The following PPP2R2C variants were observed in gnomAD, a reference collection of about 807,000 sequenced individuals.
The protein encoded by PPP2R2C is protein phosphatase 2, regulatory subunit B, gamma.
Under a neutral mutation model 45.3 loss-of-function variants are expected in PPP2R2C, and 10 were observed. The observed-to-expected ratio is 0.22, with a 90% CI of 0.14 to 0.37. The LOEUF is 0.37. PPP2R2C is among the 10% of genes least tolerant of loss of function. PPP2R2C has a pLI of 1.00. For synonymous variants in PPP2R2C, 257 were observed against 245.4 expected, an observed-to-expected ratio of 1.05 and a Z score of -0.44; for missense variants, 308 against 619.7, an observed-to-expected ratio of 0.50 and a Z score of 5.34.
chr4:6,381,923 C>T, intron 1 of PPP2R2C: 2 of 1,569,974 alleles, frequency 1.3e-6, no homozygotes, highest in Non-Finnish European at 1.7e-6. Context: ...TTCTACGAGT[C>T]ACAGAGATGA....
rs1731820433 is a variant in PPP2R2C at position 6,324,793 on chromosome 4, G to A, written c.1053-1200C>T. Among the ~76,000 whole-genome samples, 2 of 152,216 alleles carry A rather than the reference G, an allele frequency of 1.3e-5. No individual in the cohort carries two copies. Among genetic ancestry groups the A allele is most frequent in the Admixed American group, 1.3e-4 (2 of 15,286 alleles). On this transcript the variant is annotated intron_variant, in intron 8 of 8. Coordinates refer to ENST00000382599, the MANE Select transcript of PPP2R2C (RefSeq NM_020416.4). This position sits in a 1 kb window ranked among gnomAD's most constrained non-coding sequence, Gnocchi z 4.1. ...GGTAAGTTCATCCACATAGTAAGAG[G>A]CAGGAGAGAAAGCACAGTTCTGTGG...
chr4:6,474,613 A>G (rs2108773799), upstream of PPP2R2C, among the ~76,000 whole-genome samples: 1 of 152,226 alleles, frequency 6.6e-6, no homozygotes, highest in Middle Eastern at 3.4e-3. Flanking sequence ...CTGACACAGT[A>G]CATCATCCCT....
rs775253432 is a variant in PPP2R2C, at chr4:6,330,655, T to C, written c.961-1302A>G. ...CAGATTTAGAACATGCCACGTGAGC[T>C]AATTCCTTCAAATCTCCCTTCTTTC... is the stretch of plus-strand genomic sequence containing the variant. On this transcript the variant is annotated intron_variant, in intron 7 of 8. Transcript: ENST00000382599. The surrounding 1 kb of genome is among the most constrained non-coding windows in gnomAD (Gnocchi z 7.0). 2.0e-5 allele frequency among the ~76,000 whole-genome samples: 3 copies of C among 152,154 alleles called. No homozygotes were observed. The highest frequency in any genetic ancestry group is 2.4e-5 in the African/African-American group (1 of 41,428).
At chr4:6,435,179 TTCTC>T (rs1210502405) in intron 1 of PPP2R2C, among the ~76,000 whole-genome samples, 13 of 152,094 alleles carry the variant, frequency 8.5e-5, no homozygotes, top group Admixed American at 7.2e-4. Flanking sequence ...GTTCTAATAT[TTCTC>T]TCTCTCTCTT....
intron 6 of PPP2R2C, among the ~76,000 whole-genome samples, chr4:6,336,655 C>G: frequency 7.0e-5 from 1 of 14,274 alleles, no homozygotes; most frequent in Admixed American, 4.9e-4. Flanking sequence ...CTCCCTCCCT[C>G]CCTCCCTCCC....
intron 1 of PPP2R2C, among the ~76,000 whole-genome samples, chr4:6,397,435 G>A (rs910862185): frequency 3.9e-5 from 6 of 152,238 alleles, no homozygotes; most frequent in Non-Finnish European, 8.8e-5. Flanking sequence ...GGGGTCTCCC[G>A]GCCAAGGTGC....
intron 1 of PPP2R2C, among the ~76,000 whole-genome samples, chr4:6,388,667 C>T (rs373365715): frequency 2.6e-5 from 4 of 151,990 alleles, no homozygotes; most frequent in African/African-American, 4.8e-5. Context: ...TTTGGGGGGC[C>T]GAGCCGGGCC....
chr4:6,393,205 A>C (rs933426479), intron 1 of PPP2R2C, among the ~76,000 whole-genome samples: 2 of 152,020 alleles, frequency 1.3e-5, no homozygotes, highest in Non-Finnish European at 2.9e-5. Context: ...CACCACCCCA[A>C]AAAGAAACCC....
chr4:6,353,115 G>T (rs564048287), intron 5 of PPP2R2C, among the ~76,000 whole-genome samples: 1 of 152,022 alleles, frequency 6.6e-6, no homozygotes, highest in African/African-American at 2.4e-5. Flanking sequence ...CCCCCAGGAC[G>T]GTGAGAATAT....
At chr4:6,529,904 G>A (rs1365530385) in intron 2 of PPP2R2C, among the ~76,000 whole-genome samples, 1 of 152,198 alleles carries the variant, frequency 6.6e-6, no homozygotes, top group Non-Finnish European at 1.5e-5. Flanking sequence ...ACTGGGAGGG[G>A]ACAGCAGCGA....
chr4:6,414,620 G>A (rs1718444701), intron 1 of PPP2R2C, among the ~76,000 whole-genome samples: 1 of 151,950 alleles, frequency 6.6e-6, no homozygotes, highest in African/African-American at 2.4e-5. Flanking sequence ...TGGGCAGGGG[G>A]TTCCTCCTGG....
At chr4:6,557,774 G>T (rs1725458252) in intron 1 of PPP2R2C, among the ~76,000 whole-genome samples, 1 of 152,160 alleles carries the variant, frequency 6.6e-6, no homozygotes. Flanking sequence ...TAGTAGAGAT[G>T]AAGAAGGAGA....
rs537159622 is a variant in PPP2R2C at position 6,368,497 on chromosome 4, T to C, written c.625+4026A>G. 2.2e-4 allele frequency among the ~76,000 whole-genome samples: 33 copies of C among 152,288 alleles called. 2 individuals are homozygous for C. The South Asian group carries it at 6.0e-3, about 28-fold the overall frequency. ...ATACCTGCTGGTAAATGGTGTGCTCTGCAACATGCGGACAGGGCACAATCT... is the reference window on the plus strand; with the variant it reads ...ATACCTGCTGGTAAATGGTGTGCTCCGCAACATGCGGACAGGGCACAATCT... On this transcript the variant is annotated intron_variant, in intron 5 of 8. Coordinates refer to ENST00000382599, the MANE Select transcript of PPP2R2C (RefSeq NM_020416.4). The surrounding 1 kb of genome is among the most constrained non-coding windows in gnomAD (Gnocchi z 4.2).
intron 1 of PPP2R2C, among the ~76,000 whole-genome samples, chr4:6,560,547 G>A (rs892085827): frequency 1.3e-5 from 2 of 152,130 alleles, no homozygotes; most frequent in African/African-American, 2.4e-5. Flanking sequence ...ACCAGGTTGT[G>A]GCGGAAGGAA....
chr4:6,409,115 C>G (rs898600207), intron 1 of PPP2R2C, among the ~76,000 whole-genome samples: 3 of 152,100 alleles, frequency 2.0e-5, no homozygotes, highest in Non-Finnish European at 4.4e-5. Context: ...TGGCACCCAG[C>G]ATTGTGCAGC....
At chr4:6,348,035 G>A in intron 5 of PPP2R2C, 25 bp from the exon 6 acceptor site, 1 of 1,606,814 alleles carries the variant, frequency 6.2e-7, no homozygotes, top group Non-Finnish European at 8.5e-7. Flanking sequence ...GTCAAGGAAG[G>A]GGCAGTGAAG....
chr4:6,367,049 T>C (rs1714380612), intron 5 of PPP2R2C, among the ~76,000 whole-genome samples: 1 of 150,554 alleles, frequency 6.6e-6, no homozygotes, highest in Admixed American at 6.6e-5. Flanking sequence ...ATTCTGAGGG[T>C]GAGAGAGAGG....
chr4:6,424,810 C>T (rs1017638700), intron 1 of PPP2R2C, among the ~76,000 whole-genome samples: 1 of 152,198 alleles, frequency 6.6e-6, no homozygotes, highest in Non-Finnish European at 1.5e-5. Context: ...GACACGTCAC[C>T]TCACTGCTCA....
intron 1 of PPP2R2C, among the ~76,000 whole-genome samples, chr4:6,550,006 A>C (rs774099329): frequency 5.9e-5 from 9 of 152,140 alleles, no homozygotes; most frequent in Non-Finnish European, 1.2e-4. Context: ...ACAGTGCTTT[A>C]TTTTTAACCT....
Sources: allele counts gnomAD v4.1 joint callset (sites outside exome capture counted in the v4.1 genomes callset), GRCh38; gene constraint gnomAD v4.1.1; non-coding constraint Gnocchi (gnomAD v3.1); transcripts MANE v1.5; gene names NCBI Gene and HGNC (gene_info 2026-07-23, HGNC 2026-07-21).